The following SORCS2 variants were observed in gnomAD, a reference collection of about 807,000 sequenced individuals.
SORCS2 encodes sortilin related VPS10 domain containing receptor 2.
Under a neutral mutation model 141.6 loss-of-function variants are expected in SORCS2, and 100 were observed. The observed-to-expected ratio is 0.71, with a 90% CI of 0.60 to 0.83. The LOEUF (loss-of-function observed/expected upper bound fraction) is 0.83. Among genes scored for constraint, SORCS2 ranks in the 40% least tolerant of loss-of-function variants. The pLI, the probability that SORCS2 is intolerant of heterozygous loss-of-function variation, is 0.00. For missense variants in SORCS2, 1,646 were observed against 1,560.2 expected (o/e 1.05, Z -0.93); for synonymous variants, 789 against 676.9 (o/e 1.17, Z -2.57).
chr4:7,327,299 G>A (rs1719327224), intron 1 of SORCS2, among the ~76,000 whole-genome samples: 1 of 152,232 alleles, frequency 6.6e-6, no homozygotes, highest in African/African-American at 2.4e-5. Flanking sequence ...CCCACCTCCG[G>A]TGGCTCCTGG....
intron 8 of SORCS2, among the ~76,000 whole-genome samples, chr4:7,674,604 AAGC>A (rs1196671131): frequency 7.2e-6 from 1 of 139,052 alleles, no homozygotes; most frequent in Non-Finnish European, 1.5e-5. Flanking sequence ...AAAAAAAAAA[AAGC>A]AACCCTCTCC....
Position 7,565,862 on chromosome 4 carries a change from G to GAGA in SORCS2, c.648+34233_648+34234insAGA, listed in dbSNP as rs1392970068. 1.0e-3 allele frequency among the ~76,000 whole-genome samples: 97 copies of GAGA among 96,364 alleles called. 1 individual carries two copies. Among genetic ancestry groups the GAGA allele is most frequent in the South Asian group, 9.9e-3 (21 of 2,128 alleles). The allele number at this position is 96,364 out of a possible 152,430, so 63.2% of individuals were successfully genotyped here. A position where few individuals can be genotyped will look rare whatever the true frequency, so the allele number is the denominator to read the frequency against. ...GGTGATGGTGATGATGGTGATGATG[G>GAGA]TGATGATGTGATGATGGAGATGATG... On this transcript the variant is annotated intron_variant, in intron 3 of 26. Coordinates refer to ENST00000507866, the MANE Select transcript of SORCS2 (RefSeq NM_020777.3).
Position 7,670,773 on chromosome 4 carries a change from G to A in SORCS2, c.1161+3560G>A, listed in dbSNP as rs532761323. ...CCGGCCCCATGGCAGGCAAATGTGC[G>A]TGTGTCCCTAGAGCAGCGTGCACAG... On this transcript the variant is annotated intron_variant, in intron 8 of 26. Transcript: ENST00000507866. Among the ~76,000 whole-genome samples, 6 of 150,268 alleles carry A rather than the reference G, an allele frequency of 4.0e-5. No individual in the cohort carries two copies. In the South Asian group the frequency reaches 6.2e-4, roughly 16 times the overall value.
chr4:7,675,963 C>A (rs1001600866), intron 8 of SORCS2, 87 bp from the exon 9 acceptor site: 4 of 1,450,552 alleles, frequency 2.8e-6, no homozygotes, highest in Middle Eastern at 4.5e-4. Flanking sequence ...GTCTTCTGCA[C>A]CCTCACGGCC....
intron 8 of SORCS2, among the ~76,000 whole-genome samples, chr4:7,669,707 C>T (rs185685684): frequency 5.9e-5 from 9 of 152,268 alleles, no homozygotes; most frequent in East Asian, 5.8e-4. Context: ...GGGACTCACC[C>T]GCAAACCTCT....
chr4:7,210,731 T>A (rs895235194), intron 1 of SORCS2, among the ~76,000 whole-genome samples: 2 of 152,198 alleles, frequency 1.3e-5, no homozygotes, highest in African/African-American at 4.8e-5. Context: ...GCCCACCTGA[T>A]GAGACTGATG....
intron 1 of SORCS2, among the ~76,000 whole-genome samples, chr4:7,227,079 G>A (rs1265171672): frequency 6.6e-6 from 1 of 152,128 alleles, no homozygotes; most frequent in Non-Finnish European, 1.5e-5. Context: ...GCACCTGTGG[G>A]TACTCTTACG....
At chr4:7,589,653 A>G (rs1716780860) in intron 3 of SORCS2, among the ~76,000 whole-genome samples, 1 of 152,140 alleles carries the variant, frequency 6.6e-6, no homozygotes, top group Non-Finnish European at 1.5e-5. Context: ...TGCCCACCTC[A>G]GCCTCCCAAA....
intron 2 of SORCS2, among the ~76,000 whole-genome samples, chr4:7,435,319 T>C (rs1727228982): frequency 6.6e-6 from 1 of 152,162 alleles, no homozygotes; most frequent in Non-Finnish European, 1.5e-5. Context: ...TCTGCCCCCA[T>C]TCTGGGAGGT....
intron 2 of SORCS2, among the ~76,000 whole-genome samples, chr4:7,454,432 T>C (rs1728722560): frequency 7.2e-6 from 1 of 138,138 alleles, no homozygotes; most frequent in South Asian, 2.4e-4. Context: ...GGCTCCGTGT[T>C]GGAGTCAGGC....
At chr4:7,585,013 C>T (rs1022620891) in intron 3 of SORCS2, among the ~76,000 whole-genome samples, 12 of 152,254 alleles carry the variant, frequency 7.9e-5, no homozygotes, top group South Asian at 2.1e-4. Flanking sequence ...TCAACATGCA[C>T]GCCCTGAGAG....
intron 1 of SORCS2, among the ~76,000 whole-genome samples, chr4:7,295,223 T>C (rs538690367): frequency 2.4e-5 from 2 of 84,784 alleles, no homozygotes; most frequent in East Asian, 6.5e-4. Flanking sequence ...TCTCTCTCTC[T>C]CCTCCTTCCC....
chr4:7,246,427 C>CTCACCT (rs1713094761), intron 1 of SORCS2, among the ~76,000 whole-genome samples: 1 of 146,716 alleles, frequency 6.8e-6, no homozygotes, highest in African/African-American at 2.6e-5. Context: ...ACATCTCACT[C>CTCACCT]GGGGCTTAAA....
intron 1 of SORCS2, among the ~76,000 whole-genome samples, chr4:7,273,422 A>C (rs1442747162): frequency 6.6e-6 from 1 of 152,098 alleles, no homozygotes. Flanking sequence ...TCATTGCTGG[A>C]GGGCTGCTTC....
At chr4:7,644,813 T>C (rs1720967913) in intron 4 of SORCS2, among the ~76,000 whole-genome samples, 1 of 152,222 alleles carries the variant, frequency 6.6e-6, no homozygotes, top group African/African-American at 2.4e-5. Context: ...CTCCACTGCT[T>C]TCTGAGATGT....
At chr4:7,639,284 T>C (rs1394494777) in intron 4 of SORCS2, among the ~76,000 whole-genome samples, 1 of 152,222 alleles carries the variant, frequency 6.6e-6, no homozygotes, top group African/African-American at 2.4e-5. Flanking sequence ...CCCCCTGGGC[T>C]CTAGGGAGGA....
chr4:7,696,900 A>C (rs974342354), intron 11 of SORCS2, among the ~76,000 whole-genome samples: 3 of 152,146 alleles, frequency 2.0e-5, no homozygotes, highest in African/African-American at 7.2e-5. Context: ...ATCCCTAGCC[A>C]CACTCCATGC....
At chr4:7,398,768 A>T (rs1217813891) in intron 2 of SORCS2, among the ~76,000 whole-genome samples, 1 of 152,098 alleles carries the variant, frequency 6.6e-6, no homozygotes, top group Non-Finnish European at 1.5e-5. Context: ...GAGCCCCTGG[A>T]GTTGGTTCAC....
At chr4:7,206,426 A>T (rs1050134474) in intron 1 of SORCS2, among the ~76,000 whole-genome samples, 2 of 152,194 alleles carry the variant, frequency 1.3e-5, no homozygotes, top group Non-Finnish European at 2.9e-5. Flanking sequence ...GGGAGAGTCG[A>T]GTCCCTCTGT....
Sources: allele counts gnomAD v4.1 joint callset (sites outside exome capture counted in the v4.1 genomes callset), GRCh38; gene constraint gnomAD v4.1.1; transcripts MANE v1.5; gene names NCBI Gene and HGNC (gene_info 2026-07-23, HGNC 2026-07-21).